Variants in E2F3 observed in about 807,000 individuals in gnomAD.
E2F3 encodes E2F transcription factor 3.
In E2F3, 11 loss-of-function variants were observed where a neutral mutation model predicts 44.4. The ratio of observed to expected loss-of-function variants is 0.25; its 90% CI spans 0.16 to 0.41. E2F3 has a LOEUF of 0.41. Ranked by LOEUF, E2F3 falls within the 10% of genes least tolerant of loss-of-function variation. The pLI, the probability that E2F3 is intolerant of heterozygous loss-of-function variation, is 1.00. For missense variants in E2F3, 487 were observed against 583.6 expected (o/e 0.83, Z 1.70); for synonymous variants, 249 against 253.0 (o/e 0.98, Z 0.15).
At chr6:20,480,082 T>A in intron 2 of E2F3, 125 bp downstream of exon 2, 2 of 1,429,506 alleles carry the variant, frequency 1.4e-6, no homozygotes, top group Non-Finnish European at 1.8e-6. Flanking sequence ...TTCATTTCTT[T>A]CTGTGCTTAT....
chr6:20,426,116 T>C, intron 1 of E2F3, among the ~76,000 whole-genome samples: 1 of 152,234 alleles, frequency 6.6e-6, no homozygotes, highest in Non-Finnish European at 1.5e-5. Flanking sequence ...AATACAATAG[T>C]TGTGCGGAAA....
chr6:20,446,786 T>C (rs1260886605), intron 1 of E2F3, among the ~76,000 whole-genome samples: 1 of 152,194 alleles, frequency 6.6e-6, no homozygotes, highest in Non-Finnish European at 1.5e-5. Context: ...CAGGCTGGTC[T>C]CAACTCCTGG....
At chr6:20,436,232 C>T (rs1561859716) in intron 1 of E2F3, among the ~76,000 whole-genome samples, 3 of 152,260 alleles carry the variant, frequency 2.0e-5, no homozygotes, top group Middle Eastern at 3.4e-3. Flanking sequence ...CCACCTGCCT[C>T]GGCCTCCCAA....
chr6:20,490,997 G>T lies in E2F3; in HGVS notation c.*567G>T, dbSNP rs1762539100. The T allele has an allele frequency of 1.3e-5, 3 of 229,214 alleles. No homozygotes were observed. In the East Asian group the frequency reaches 1.9e-4, roughly 14 times the overall value. The allele number at this position is 229,214 out of a possible 1,614,324, so 14.2% of individuals were successfully genotyped here. A position where few individuals can be genotyped will look rare whatever the true frequency, so the allele number is the denominator to read the frequency against. On this transcript the variant is annotated 3_prime_UTR_variant, in exon 7 of 7. Transcript: ENST00000346618. This position sits in a 1 kb window ranked among gnomAD's most constrained non-coding sequence, Gnocchi z 4.3. ...AAATTACTGTCATAATTCAGTTTAA[G>T]CTATGAACTGTGTGTCCCAGTAGGA... is the stretch of plus-strand genomic sequence containing the variant.
chr6:20,448,645 T>A (rs1355354611), intron 1 of E2F3, among the ~76,000 whole-genome samples: 3 of 152,224 alleles, frequency 2.0e-5, no homozygotes, highest in African/African-American at 7.2e-5. Context: ...AGGTGTTGCC[T>A]GATTTTGAAT....
chr6:20,459,257 G>A (rs540746431), intron 1 of E2F3, among the ~76,000 whole-genome samples: 5 of 152,336 alleles, frequency 3.3e-5, no homozygotes, highest in Admixed American at 1.3e-4. Context: ...GGGTGACAGA[G>A]TGAAACTCCA....
chr6:20,483,684 T>G (rs1330500395), intron 4 of E2F3, among the ~76,000 whole-genome samples: 1 of 152,230 alleles, frequency 6.6e-6, no homozygotes, highest in Non-Finnish European at 1.5e-5. Flanking sequence ...AAGAGAGAGA[T>G]TGCCTCATTA....
chr6:20,476,553 G>A (rs1762052126), intron 1 of E2F3, among the ~76,000 whole-genome samples: 1 of 152,140 alleles, frequency 6.6e-6, no homozygotes, highest in African/African-American at 2.4e-5. Context: ...CCATTCTCAG[G>A]CAGCTTTAGG....
intron 1 of E2F3, among the ~76,000 whole-genome samples, chr6:20,456,629 G>C (rs1761317798): frequency 6.6e-6 from 1 of 152,118 alleles, no homozygotes; most frequent in Non-Finnish European, 1.5e-5. Context: ...CAGTCCACTA[G>C]TTAAAAAAGT....
At position 20,490,135 on chromosome 6, in the gene E2F3, T is replaced by G; in HGVS notation, c.1136-33T>G. The G allele has an allele frequency of 1.0e-5, 16 of 1,539,438 alleles. No homozygotes were observed. Among genetic ancestry groups the G allele is most frequent in the Non-Finnish European group, 1.4e-5 (16 of 1,143,334 alleles). On this transcript the variant is annotated intron_variant, in intron 6 of 6. Coordinates refer to ENST00000346618, the MANE Select transcript of E2F3 (RefSeq NM_001949.5). This position sits in a 1 kb window ranked among gnomAD's most constrained non-coding sequence, Gnocchi z 4.3. ...AAAAATTCATTTGATTTTTCTAACT[T>G]ATTTTTTGTTTCCATCAATGTTTTC...
intron 1 of E2F3, among the ~76,000 whole-genome samples, chr6:20,412,099 C>T (rs1759693007): frequency 1.3e-5 from 2 of 152,114 alleles, no homozygotes. Context: ...GCTTTAAACA[C>T]AAGTTGATCT....
Position 20,402,108 on chromosome 6 carries a change from G to A in E2F3, c.-125G>A. The A allele has an allele frequency of 7.1e-7, 1 of 1,402,526 alleles. No individual in the cohort carries two copies. The highest frequency in any genetic ancestry group is 9.3e-7 in the Non-Finnish European group (1 of 1,079,830). The allele number at this position is 1,402,526 out of a possible 1,614,324, so 86.9% of individuals were successfully genotyped here. A position where few individuals can be genotyped will look rare whatever the true frequency, so the allele number is the denominator to read the frequency against. On this transcript the variant is annotated 5_prime_UTR_variant, in exon 1 of 7. Transcript: ENST00000346618. This position sits in a 1 kb window ranked among gnomAD's most constrained non-coding sequence, Gnocchi z 5.6. ...AAATAAAAAGAAAAGAGAGAGAGGG[G>A]GCTCGGAAGCGCCGGGCGGGGAGGA...
intron 4 of E2F3, among the ~76,000 whole-genome samples, chr6:20,486,226 T>C (rs1300397840): frequency 6.6e-6 from 1 of 152,168 alleles, no homozygotes; most frequent in African/African-American, 2.4e-5. Flanking sequence ...CAACCAGAAA[T>C]GAAGATTCAT....
intron 1 of E2F3, among the ~76,000 whole-genome samples, chr6:20,419,779 T>C (rs1759965256): frequency 6.6e-6 from 1 of 152,136 alleles, no homozygotes; most frequent in Admixed American, 6.5e-5. Flanking sequence ...TTGCCCAGGC[T>C]GGTCTCAAAC....
intron 1 of E2F3, among the ~76,000 whole-genome samples, chr6:20,430,155 C>T (rs563372137): frequency 1.3e-5 from 2 of 152,138 alleles, no homozygotes; most frequent in Admixed American, 6.6e-5. Context: ...ATAAAATACA[C>T]GATGCCAAGT....
At chr6:20,444,900 G>C (rs1760890679) in intron 1 of E2F3, among the ~76,000 whole-genome samples, 1 of 152,238 alleles carries the variant, frequency 6.6e-6, no homozygotes, top group Non-Finnish European at 1.5e-5. Context: ...TGCTTCTGAT[G>C]ATAACTTCTC....
At chr6:20,462,339 G>A (rs559334968) in intron 1 of E2F3, among the ~76,000 whole-genome samples, 8 of 152,180 alleles carry the variant, frequency 5.3e-5, no homozygotes, top group Non-Finnish European at 8.8e-5. Flanking sequence ...TGCAGTATCT[G>A]CAGTGTCCCA....
At chr6:20,488,854 C>T (rs1015927101) in intron 6 of E2F3, among the ~76,000 whole-genome samples, 8 of 151,992 alleles carry the variant, frequency 5.3e-5, no homozygotes, top group Non-Finnish European at 8.8e-5. Context: ...ATTAGCTGTG[C>T]GTGGTGGCAC....
chr6:20,403,727 T>A, intron 1 of E2F3: 2 of 1,137,850 alleles, frequency 1.8e-6, no homozygotes, highest in Non-Finnish European at 2.4e-6. Flanking sequence ...GCGCCCGCCC[T>A]CGCCCTGCGC....
Sources: gnomAD v4.1 joint callset for allele counts (sites outside exome capture counted in the v4.1 genomes callset) on GRCh38, gnomAD v4.1.1 for gene constraint, Gnocchi (gnomAD v3.1) non-coding constraint, MANE v1.5 for transcripts, NCBI Gene and HGNC (gene_info 2026-07-23, HGNC 2026-07-21) for gene names.